Variants in RELN observed in about 807,000 individuals in gnomAD.
The protein encoded by RELN is reelin.
In RELN, 108 loss-of-function variants were observed where a neutral mutation model predicts 427.6. The ratio of observed to expected loss-of-function variants is 0.25; its 90% CI spans 0.22 to 0.30. The LOEUF is 0.30. RELN is among the 10% of genes least tolerant of loss of function. RELN has a pLI of 1.00. For missense variants in RELN, 3,715 were observed against 4,302.8 expected (o/e 0.86, Z 3.82); for synonymous variants, 1,524 against 1,513.4 (o/e 1.01, Z -0.16).
At chr7:103,551,653 G>C (rs34712248) in intron 40 of RELN, among the ~76,000 whole-genome samples, 59,097 of 151,822 alleles carry the variant, frequency 0.39, 14,309 homozygotes, top group Non-Finnish European at 0.53. Flanking sequence ...CTAACTGTTA[G>C]CTTCCCCCCC....
In RELN at chr7:103,472,830, T is replaced by C; in HGVS notation, c.10365A>G (p.Ser3455=). The C allele has an allele frequency of 6.2e-7, 1 of 1,613,874 alleles. No homozygotes were observed. The highest frequency in any genetic ancestry group is 1.1e-5 in the South Asian group (1 of 91,076). ...LRHFYNRRRR[S]LRRYP Reference sequence around the variant, plus strand: ...TGATTCTTCATGGGTATCGCCTAAGTGACCTTCGTCTTCTGTTGTAGAAAT... The same window carrying C: ...TGATTCTTCATGGGTATCGCCTAAGCGACCTTCGTCTTCTGTTGTAGAAAT... The change falls in exon 65 of 65, where the codon TCA becomes TCG. Residue 3455 remains serine (S), a synonymous_variant. Coordinates refer to ENST00000428762, the MANE Select transcript of RELN (RefSeq NM_005045.4).
intron 8 of RELN, among the ~76,000 whole-genome samples, chr7:103,722,203 T>C (rs1790094680): frequency 6.6e-6 from 1 of 152,052 alleles, no homozygotes; most frequent in African/African-American, 2.4e-5. Context: ...AAGTGACAAA[T>C]ACATGACTTA....
At chr7:103,755,380 G>A (rs1211855768) in intron 4 of RELN, among the ~76,000 whole-genome samples, 3 of 152,046 alleles carry the variant, frequency 2.0e-5, no homozygotes, top group African/African-American at 2.4e-5. Context: ...AGGCCGAGAC[G>A]GGCCGATCAC....
At chr7:103,982,269 G>A (rs1488538053) in intron 1 of RELN, among the ~76,000 whole-genome samples, 1 of 152,042 alleles carries the variant, frequency 6.6e-6, no homozygotes, top group Non-Finnish European at 1.5e-5. Flanking sequence ...ATATGAACAC[G>A]GGTCTATCTT....
At chr7:103,567,541 T>C (rs1396529182) in intron 31 of RELN, among the ~76,000 whole-genome samples, 2 of 151,984 alleles carry the variant, frequency 1.3e-5, no homozygotes, top group Non-Finnish European at 2.9e-5. Context: ...TATATACATA[T>C]GTGTGTGTGT....
At chr7:103,778,399 C>T (rs2299383) in intron 3 of RELN, among the ~76,000 whole-genome samples, 63,239 of 152,004 alleles carry the variant, frequency 0.42, 13,256 homozygotes, top group Middle Eastern at 0.51. Context: ...AAAAGTCCTA[C>T]GACAGGCAAT....
At chr7:103,567,901 A>G (rs1830796474) in intron 31 of RELN, among the ~76,000 whole-genome samples, 1 of 151,818 alleles carries the variant, frequency 6.6e-6, no homozygotes, top group South Asian at 2.1e-4. Flanking sequence ...GGCTCAAGTG[A>G]TCCTCCAACC....
intron 3 of RELN, among the ~76,000 whole-genome samples, chr7:103,833,132 T>C (rs149662699): frequency 1.3e-5 from 2 of 152,280 alleles, no homozygotes; most frequent in East Asian, 3.9e-4. Flanking sequence ...AAAATCTCTT[T>C]TAGCAATTTT....
chr7:103,593,798 T>A lies in RELN; in HGVS notation c.3796A>T (p.Asn1266Tyr). 1.9e-6 allele frequency: 3 copies of A among 1,613,924 alleles called. No individual in the cohort carries two copies. The highest frequency in any genetic ancestry group is 2.5e-6 in the Non-Finnish European group (3 of 1,179,860). The change falls in exon 27 of 65, where the codon AAT becomes TAT. Residue 1266 changes from asparagine to tyrosine, a missense_variant. Around this residue, in one of 4 missense-constraint regions of RELN, gnomAD observed 2,208 missense variants for 2,361.7 expected, o/e 0.93. Coordinates refer to ENST00000428762, the MANE Select transcript of RELN (RefSeq NM_005045.4). ...GGTGTGGCAGCACAGAAGGTTTCAT[T>A]TTTAACCATTCCTTCATTAGCCAAC... ...LMLANEGMVKNETFCAATPSA... is the reference protein window; with the variant it reads ...LMLANEGMVKYETFCAATPSA...
Position 103,603,514 on chromosome 7 carries a change from G to C in RELN, c.3147-24C>G. The stretch of plus-strand genomic sequence containing the variant: ...ACCTATGAGAGAGCAGGGCTGAGTA[G>C]GCAGGTTACAGGCCCACCTGCCAAT... On this transcript the variant is annotated intron_variant, in intron 23 of 64. Coordinates refer to ENST00000428762, the MANE Select transcript of RELN (RefSeq NM_005045.4). This position sits in a 1 kb window ranked among gnomAD's most constrained non-coding sequence, Gnocchi z 4.3. 1 of 1,605,356 alleles carries C rather than the reference G, an allele frequency of 6.2e-7. No individual in the cohort carries two copies. The highest frequency in any genetic ancestry group is 8.5e-7 in the Non-Finnish European group (1 of 1,172,328).
chr7:103,807,646 T>C (rs1422414528), intron 3 of RELN, among the ~76,000 whole-genome samples: 1 of 152,072 alleles, frequency 6.6e-6, no homozygotes, highest in African/African-American at 2.4e-5. Context: ...CCAGTGTCTA[T>C]TGCTCCCATC....
At chr7:103,934,798 G>C (rs571870297) in intron 1 of RELN, among the ~76,000 whole-genome samples, 3 of 152,172 alleles carry the variant, frequency 2.0e-5, no homozygotes, top group African/African-American at 7.2e-5. Context: ...CATTAATCTA[G>C]AGGCAAAAAG....
rs1828416195 is a variant in RELN, at chr7:103,485,755, TCCATCC to T, written c.9983+436_9983+441del. ...TTTAAAGGTCTTATCCATCCAACCA[TCCATCC>T]ATCCATCCATCCTCCATTTCTATTT... On this transcript the variant is annotated intron_variant, in intron 61 of 64. Transcript: ENST00000428762. Among the ~76,000 whole-genome samples the T allele has an allele frequency of 2.6e-5, 4 of 151,426 alleles. No individual in the cohort carries two copies. The South Asian group carries it at 8.4e-4, about 32-fold the overall frequency.
chr7:103,507,689 G>C (rs372293393), intron 51 of RELN, among the ~76,000 whole-genome samples: 4 of 152,150 alleles, frequency 2.6e-5, no homozygotes, highest in Admixed American at 1.3e-4. Flanking sequence ...GATCAGAGCA[G>C]AACTGAAGGA....
At chr7:103,730,361 AG>A (rs1790323401) in intron 6 of RELN, among the ~76,000 whole-genome samples, 1 of 152,096 alleles carries the variant, frequency 6.6e-6, no homozygotes, top group African/African-American at 2.4e-5. Flanking sequence ...AACAGAATTC[AG>A]GTAGAAACTG....
intron 61 of RELN, among the ~76,000 whole-genome samples, chr7:103,484,940 T>C (rs1252517775): frequency 6.6e-6 from 1 of 152,228 alleles, no homozygotes; most frequent in Non-Finnish European, 1.5e-5. Context: ...TTCTGAACCA[T>C]GTCTGCTATT....
chr7:103,495,768 G>A lies in RELN; in HGVS notation c.9324C>T (p.Ser3108=). ...KKKDKTHNAL[S]SRELIIQPGY... ...CTGGCTGTATAATGAGTTCTCGGGAGGAGAGAGCATTGTGAGTCTTGTCCT... is the reference window on the plus strand; with the variant it reads ...CTGGCTGTATAATGAGTTCTCGGGAAGAGAGAGCATTGTGAGTCTTGTCCT... The change falls in exon 57 of 65, where the codon TCC becomes TCT. Residue 3108 remains serine, a synonymous_variant. Coordinates refer to ENST00000428762, the MANE Select transcript of RELN (RefSeq NM_005045.4). 6.2e-7 allele frequency: 1 copy of A among 1,614,042 alleles called. No individual in the cohort carries two copies. The highest frequency in any genetic ancestry group is 1.1e-5 in the South Asian group (1 of 91,084).
intron 43 of RELN, among the ~76,000 whole-genome samples, chr7:103,542,031 A>G (rs79498949): frequency 0.012 from 1,760 of 152,326 alleles, 31 homozygotes; most frequent in African/African-American, 0.04. Context: ...AAATTAGGTC[A>G]GGGTTCCATT....
chr7:103,854,153 A>G (rs1169624173), intron 2 of RELN, among the ~76,000 whole-genome samples: 1 of 152,166 alleles, frequency 6.6e-6, no homozygotes, highest in African/African-American at 2.4e-5. Flanking sequence ...TCTAAAGTTA[A>G]TGCTTATGTA....
Sources: allele counts gnomAD v4.1 joint callset (sites outside exome capture counted in the v4.1 genomes callset), GRCh38; gene constraint gnomAD v4.1.1; regional missense constraint gnomAD v4.1.1; non-coding constraint Gnocchi (gnomAD v3.1); transcripts MANE v1.5; gene names NCBI Gene and HGNC (gene_info 2026-07-23, HGNC 2026-07-21).